The following RBM33 variants were observed in gnomAD, a reference collection of about 807,000 sequenced individuals.
The protein encoded by RBM33 is RNA-binding protein 33.
Under a neutral mutation model 132.6 loss-of-function variants are expected in RBM33, and 28 were observed. The ratio of observed to expected loss-of-function variants is 0.21; its 90% confidence interval spans 0.16 to 0.29. RBM33 has a LOEUF of 0.29. Ranked by LOEUF, RBM33 falls within the 10% of genes least tolerant of loss-of-function variation. RBM33 has a pLI of 1.00. For missense variants in RBM33, 1,291 were observed against 1,518.5 expected (o/e 0.85, Z 2.49); for synonymous variants, 634 against 593.0 (o/e 1.07, Z -1.01).
chr7:155,761,388 C>T (rs1802032083), intron 14 of RBM33, among the ~76,000 whole-genome samples: 1 of 152,190 alleles, frequency 6.6e-6, no homozygotes, highest in Admixed American at 6.5e-5. Context: ...GCTTGGTAGT[C>T]TTTCTTCCTT....
intron 1 of RBM33, among the ~76,000 whole-genome samples, chr7:155,649,269 T>C (rs922830590): frequency 6.6e-6 from 1 of 152,232 alleles, no homozygotes; most frequent in African/African-American, 2.4e-5. Flanking sequence ...TATCTCAATT[T>C]GTAATTTTCT....
intron 13 of RBM33, among the ~76,000 whole-genome samples, chr7:155,744,137 A>G (rs1801439691): frequency 6.6e-6 from 1 of 152,210 alleles, no homozygotes. Context: ...TTATTTAGGG[A>G]AAGTAAGATG....
chr7:155,680,931 G>T, intron 5 of RBM33, 23 bp downstream of exon 5: 1 of 1,588,672 alleles, frequency 6.3e-7, no homozygotes, highest in South Asian at 1.1e-5. Context: ...TCCTTTGTAT[G>T]GCCAAAGATA....
rs890181750 is a variant in RBM33, at chr7:155,741,736, GTTTT to G, written c.2050-81_2050-78del. 52 of 1,278,388 alleles carry G rather than the reference GTTTT, an allele frequency of 4.1e-5. No homozygotes were observed. In the Admixed American group the frequency reaches 1.0e-3, roughly 25 times the overall value. 79.2% of individuals were successfully genotyped at this position (1,278,388 alleles called of 1,614,324 possible). On this transcript the variant is annotated intron_variant, in intron 12 of 17. Coordinates refer to ENST00000401878, the MANE Select transcript of RBM33 (RefSeq NM_053043.3). ...TTTACTAATTAGAATGATTTATTGT[GTTTT>G]TATTTAATAATGTGCCTTTTAATGT...
chr7:155,715,144 C>T (rs917805114), intron 8 of RBM33, among the ~76,000 whole-genome samples: 2 of 152,182 alleles, frequency 1.3e-5, no homozygotes, highest in African/African-American at 2.4e-5. Flanking sequence ...GTGGTGCCTA[C>T]GTCTCCTGCA....
chr7:155,696,239 T>C (rs1799791238), intron 5 of RBM33, among the ~76,000 whole-genome samples: 1 of 152,244 alleles, frequency 6.6e-6, no homozygotes. Context: ...TTTGAATTTC[T>C]GTATAAATTG....
At chr7:155,713,089 AGT>A (rs1436610327) in intron 8 of RBM33, among the ~76,000 whole-genome samples, 1 of 152,062 alleles carries the variant, frequency 6.6e-6, no homozygotes, top group African/African-American at 2.4e-5. Flanking sequence ...GGATTGGATG[AGT>A]GTGAGAGGGA....
chr7:155,694,233 A>G (rs1799727622), intron 5 of RBM33, among the ~76,000 whole-genome samples: 1 of 152,206 alleles, frequency 6.6e-6, no homozygotes, highest in Non-Finnish European at 1.5e-5. Flanking sequence ...TCCTTGGTTC[A>G]TATAGAGAAA....
chr7:155,688,191 C>T (rs1799532237), intron 5 of RBM33, among the ~76,000 whole-genome samples: 1 of 152,192 alleles, frequency 6.6e-6, no homozygotes, highest in African/African-American at 2.4e-5. Context: ...AGATCCTTCA[C>T]ATCCCTTGTA....
chr7:155,685,031 G>C (rs956788318), intron 5 of RBM33: 2 of 1,550,030 alleles, frequency 1.3e-6, no homozygotes, highest in East Asian at 2.4e-5. Context: ...CTGATGCCCA[G>C]GTTGCTCCTG....
intron 14 of RBM33, among the ~76,000 whole-genome samples, chr7:155,750,018 C>G (rs1201283168): frequency 1.3e-5 from 2 of 152,170 alleles, no homozygotes; most frequent in African/African-American, 4.8e-5. Context: ...TTTTCCCACT[C>G]ATTTTACTGT....
chr7:155,766,923 A>G, intron 16 of RBM33: 1 of 478,034 alleles, frequency 2.1e-6, no homozygotes, highest in Non-Finnish European at 3.7e-6. Flanking sequence ...TTTAATTGTC[A>G]TAGAAGGTTC....
At chr7:155,764,095 T>A (rs1802135496) in intron 15 of RBM33, 77 bp downstream of exon 15, 1 of 1,156,526 alleles carries the variant, frequency 8.6e-7, no homozygotes, top group African/African-American at 1.6e-5. Context: ...TGCTCTAATT[T>A]GTAGCGCATG....
At chr7:155,765,578 G>T (rs1161194511) in intron 15 of RBM33, among the ~76,000 whole-genome samples, 5 of 152,096 alleles carry the variant, frequency 3.3e-5, no homozygotes, top group Non-Finnish European at 7.4e-5. Flanking sequence ...TTTGCATTCT[G>T]CCCGAACTCC....
At chr7:155,770,423 C>T (rs1802382815) in intron 16 of RBM33, among the ~76,000 whole-genome samples, 1 of 152,324 alleles carries the variant, frequency 6.6e-6, no homozygotes, top group Non-Finnish European at 1.5e-5. Context: ...GCTTAGCAGG[C>T]TCACTGAGGC....
intron 6 of RBM33, among the ~76,000 whole-genome samples, chr7:155,705,296 A>G (rs984859977): frequency 2.0e-5 from 3 of 152,228 alleles, no homozygotes; most frequent in African/African-American, 4.8e-5. Flanking sequence ...ATTTGAAACC[A>G]TTTTATTACT....
chr7:155,756,825 G>T (rs888738093), intron 14 of RBM33, among the ~76,000 whole-genome samples: 1 of 133,374 alleles, frequency 7.5e-6, no homozygotes, highest in Non-Finnish European at 1.6e-5. Flanking sequence ...GGGTAGCTTG[G>T]TGGTGGGTAG....
At position 155,665,361 on chromosome 7, in the gene RBM33, T is replaced by G. The variant is rs1798773988; in HGVS notation, c.122+108T>G. On this transcript the variant is annotated intron_variant, in intron 2 of 17. Transcript: ENST00000401878. ...ACGCAGCACCTTGACTACCTGGCGCTCTCTCTTGAGTGGGGCTGTCCCTCC... is the reference window on the plus strand; with the variant it reads ...ACGCAGCACCTTGACTACCTGGCGCGCTCTCTTGAGTGGGGCTGTCCCTCC... 5.3e-6 allele frequency: 5 copies of G among 947,402 alleles called. No individual in the cohort carries two copies. In the Admixed American group the frequency reaches 5.8e-5, roughly 11 times the overall value. The allele number at this position is 947,402 out of a possible 1,614,324, so 58.7% of individuals were successfully genotyped here.
At chr7:155,694,080 G>A (rs539478790) in intron 5 of RBM33, among the ~76,000 whole-genome samples, 16 of 152,154 alleles carry the variant, frequency 1.1e-4, no homozygotes, top group Non-Finnish European at 1.0e-4. Flanking sequence ...GGCAGAAAGG[G>A]TGTTGCGGTT....
Sources: allele counts gnomAD v4.1 joint callset (sites outside exome capture counted in the v4.1 genomes callset), GRCh38; gene constraint gnomAD v4.1.1; transcripts MANE v1.5; gene names NCBI Gene and HGNC (gene_info 2026-07-23, HGNC 2026-07-21).